PPP1R9A: variants seen among roughly 807,000 people sequenced by gnomAD.
The protein encoded by PPP1R9A is neurabin-1.
A neutral mutation model predicts 141.9 loss-of-function variants in PPP1R9A; 59 were observed. The observed-to-expected ratio is 0.42, with a 90% confidence interval of 0.34 to 0.52. The LOEUF (loss-of-function observed/expected upper bound fraction) is 0.52, where lower values mean the gene tolerates loss of function less well. PPP1R9A is among the 20% of genes least tolerant of loss of function. The pLI, the probability that PPP1R9A is intolerant of heterozygous loss-of-function variation, is 0.10. For missense variants in PPP1R9A, 1,444 were observed against 1,611.9 expected, an observed-to-expected ratio of 0.90 and a Z score of 1.78; for synonymous variants, 500 against 569.7, an observed-to-expected ratio of 0.88 and a Z score of 1.74.
intron 2 of PPP1R9A, among the ~76,000 whole-genome samples, chr7:95,000,727 T>C (rs980010884): frequency 6.6e-5 from 10 of 152,186 alleles, no homozygotes; most frequent in Non-Finnish European, 1.3e-4. Flanking sequence ...ATGATGCAGA[T>C]AGGCTAATCG....
chr7:94,999,809 ATT>A (rs1201341264), intron 2 of PPP1R9A, among the ~76,000 whole-genome samples: 37 of 150,968 alleles, frequency 2.5e-4, no homozygotes, highest in African/African-American at 2.4e-5. Flanking sequence ...TTATTTATTT[ATT>A]TATTTATTTA....
chr7:95,072,445 T>TCAC (rs1177539649), intron 2 of PPP1R9A, among the ~76,000 whole-genome samples: 1 of 143,886 alleles, frequency 6.9e-6, no homozygotes, highest in Non-Finnish European at 1.5e-5. Flanking sequence ...AAGGTAGTTT[T>TCAC]CAATTGTGAC....
At chr7:94,949,554 T>G (rs1176139913) in intron 2 of PPP1R9A, among the ~76,000 whole-genome samples, 1 of 152,120 alleles carries the variant, frequency 6.6e-6, no homozygotes, top group Non-Finnish European at 1.5e-5. Context: ...AAGGCTACTC[T>G]GACTTACTTT....
At chr7:94,908,348 TG>T (rs1232927184) in intron 1 of PPP1R9A, 1 of 152,140 alleles carries the variant, frequency 6.6e-6, no homozygotes, top group East Asian at 1.9e-4. Context: ...TTCATTACCC[TG>T]TAATTTTTTT....
chr7:95,142,861 C>T (rs945417656), intron 4 of PPP1R9A, among the ~76,000 whole-genome samples: 9 of 151,876 alleles, frequency 5.9e-5, no homozygotes, highest in African/African-American at 2.2e-4. Context: ...ATTATGTCTT[C>T]AGTATGCATT....
intron 2 of PPP1R9A, among the ~76,000 whole-genome samples, chr7:95,088,814 A>G (rs1410017941): frequency 6.6e-6 from 1 of 151,972 alleles, no homozygotes; most frequent in African/African-American, 2.4e-5. Flanking sequence ...AAGCTGGGAA[A>G]AGGTGATTGC....
At chr7:94,917,378 A>T (rs532649676) in intron 2 of PPP1R9A, among the ~76,000 whole-genome samples, 27 of 152,162 alleles carry the variant, frequency 1.8e-4, no homozygotes, top group African/African-American at 6.5e-4. Flanking sequence ...TTTGTAATAG[A>T]AATATTTAAA....
chr7:94,939,672 G>A (rs1041596330), intron 2 of PPP1R9A, among the ~76,000 whole-genome samples: 1 of 151,780 alleles, frequency 6.6e-6, no homozygotes, highest in African/African-American at 2.4e-5. Flanking sequence ...CATACACTAT[G>A]TACTTAGCAC....
chr7:95,206,662 A>G (rs1790865282), intron 7 of PPP1R9A, among the ~76,000 whole-genome samples: 1 of 152,226 alleles, frequency 6.6e-6, no homozygotes, highest in African/African-American at 2.4e-5. Flanking sequence ...CTCCAATTCT[A>G]GAATGTAATT....
intron 5 of PPP1R9A, among the ~76,000 whole-genome samples, chr7:95,196,849 T>C (rs1317226987): frequency 6.6e-6 from 1 of 152,190 alleles, no homozygotes; most frequent in Non-Finnish European, 1.5e-5. Context: ...CGCGTTTACA[T>C]ATGTATCACA....
chr7:95,144,483 A>G (rs1271421580), intron 4 of PPP1R9A, among the ~76,000 whole-genome samples: 1 of 151,928 alleles, frequency 6.6e-6, no homozygotes. Context: ...CCACATAGTG[A>G]TTTTATTTCC....
chr7:95,196,938 T>C (rs1460833785), intron 5 of PPP1R9A, among the ~76,000 whole-genome samples: 3 of 152,148 alleles, frequency 2.0e-5, no homozygotes, highest in Non-Finnish European at 4.4e-5. Context: ...AAAGGTAGTA[T>C]TTATAAATTC....
intron 7 of PPP1R9A, among the ~76,000 whole-genome samples, chr7:95,217,331 G>T (rs968896889): frequency 2.6e-5 from 4 of 152,166 alleles, no homozygotes; most frequent in Non-Finnish European, 4.4e-5. Context: ...CTTGATCATG[G>T]TGGATAAGCT....
At chr7:94,944,682 T>C (rs1192182353) in intron 2 of PPP1R9A, among the ~76,000 whole-genome samples, 1 of 152,112 alleles carries the variant, frequency 6.6e-6, no homozygotes, top group African/African-American at 2.4e-5. Flanking sequence ...GTTTTTGTAA[T>C]CACTTTTTGT....
chr7:95,295,736 G>GAAC lies in PPP1R9A; in HGVS notation c.*5436_*5438dup, dbSNP rs1210617906. ...AGGATGTAATCATTCATTCAAGAAA[G>GAAC]AACAATTGGCAAGAAATAATTAAAT... is the stretch of plus-strand genomic sequence containing the variant. On this transcript the variant is annotated 3_prime_UTR_variant, in exon 20 of 20. Transcript: ENST00000433360. 6.6e-6 allele frequency: 1 copy of GAAC among 152,158 alleles called. No individual in the cohort carries two copies. The highest frequency in any genetic ancestry group is 1.5e-5 in the Non-Finnish European group (1 of 68,024). 9.4% of individuals were successfully genotyped at this position (152,158 alleles called of 1,614,324 possible).
intron 5 of PPP1R9A, among the ~76,000 whole-genome samples, chr7:95,197,642 A>G (rs1585197766): frequency 6.6e-6 from 1 of 151,702 alleles, no homozygotes. Context: ...ATGCGTCAAA[A>G]TGTTTGTTGT....
intron 2 of PPP1R9A, among the ~76,000 whole-genome samples, chr7:95,083,407 C>T (rs1239858826): frequency 6.6e-6 from 1 of 151,930 alleles, no homozygotes; most frequent in African/African-American, 2.4e-5. Context: ...GAAGGTTACA[C>T]AGTAACCTAG....
intron 2 of PPP1R9A, among the ~76,000 whole-genome samples, chr7:94,992,037 A>G (rs1584157548): frequency 6.6e-6 from 1 of 152,356 alleles, no homozygotes; most frequent in East Asian, 1.9e-4. Flanking sequence ...GCACGTATTT[A>G]AAGTATACTA....
chr7:95,233,048 T>C (rs1796191221), intron 8 of PPP1R9A, among the ~76,000 whole-genome samples: 1 of 152,186 alleles, frequency 6.6e-6, no homozygotes, highest in Non-Finnish European at 1.5e-5. Context: ...TAAATCATTC[T>C]ACTATAAAGA....
Sources: allele counts gnomAD v4.1 joint callset (sites outside exome capture counted in the v4.1 genomes callset), GRCh38; gene constraint gnomAD v4.1.1; transcripts MANE v1.5; gene names NCBI Gene and HGNC (gene_info 2026-07-23, HGNC 2026-07-21).